EXOC6: variants seen among roughly 807,000 people sequenced by gnomAD.
The protein encoded by EXOC6 is exocyst complex component 6, also known as SEC15-like 1.
In EXOC6, 60 loss-of-function variants were observed where a neutral mutation model predicts 112.5. The ratio of observed to expected loss-of-function variants is 0.53; its 90% confidence interval spans 0.43 to 0.66. The LOEUF is 0.66. Among genes scored for constraint, EXOC6 ranks in the 30% least tolerant of loss-of-function variants. The pLI is 0.00. For synonymous variants in EXOC6, 295 were observed against 308.0 expected, an observed-to-expected ratio of 0.96 and a Z score of 0.44; for missense variants, 855 against 957.1, an observed-to-expected ratio of 0.89 and a Z score of 1.41.
intron 1 of EXOC6, among the ~76,000 whole-genome samples, chr10:92,858,597 A>G (rs959334706): frequency 6.6e-6 from 1 of 152,012 alleles, no homozygotes; most frequent in African/African-American, 2.4e-5. Context: ...TCCAATTATT[A>G]AAAAAAATAA....
intron 19 of EXOC6, among the ~76,000 whole-genome samples, chr10:93,006,995 T>C (rs1483950252): frequency 6.6e-6 from 1 of 151,018 alleles, no homozygotes; most frequent in Non-Finnish European, 1.5e-5. Flanking sequence ...TCCCCCACCC[T>C]CTTTACCCCC....
At chr10:92,873,294 G>A (rs1848535554) in intron 1 of EXOC6, among the ~76,000 whole-genome samples, 1 of 152,128 alleles carries the variant, frequency 6.6e-6, no homozygotes, top group African/African-American at 2.4e-5. Context: ...AGTGTGCTGT[G>A]CTGTTATTCA....
At chr10:92,835,733 A>G (rs190478771) in intron 1 of EXOC6, among the ~76,000 whole-genome samples, 27 of 152,346 alleles carry the variant, frequency 1.8e-4, no homozygotes, top group African/African-American at 6.0e-4. Flanking sequence ...TAGTTTGAAT[A>G]TCTTCAAAGG....
intron 20 of EXOC6, among the ~76,000 whole-genome samples, chr10:93,045,083 G>C (rs1733563983): frequency 6.6e-6 from 1 of 152,194 alleles, no homozygotes; most frequent in South Asian, 2.1e-4. Flanking sequence ...ATGTTGGCCA[G>C]GCTAATTTCA....
At position 92,896,073 on chromosome 10, in the gene EXOC6, ATATATATGTG is replaced by A. The variant is rs1487689967; in HGVS notation, c.412+1061_412+1070del. On this transcript the variant is annotated intron_variant, in intron 4 of 21. Transcript: ENST00000260762. ...TATATATATGTGTATATATATGTGT[ATATATATGTG>A]TATATATATATGTGTGTATATATAT... is the stretch of plus-strand genomic sequence containing the variant. 2.8e-4 allele frequency among the ~76,000 whole-genome samples: 21 copies of A among 75,416 alleles called. 1 individual carries two copies. Among genetic ancestry groups the A allele is most frequent in the Non-Finnish European group, 3.8e-4 (15 of 39,726 alleles). The allele number at this position is 75,416 out of a possible 152,430, so 49.5% of individuals were successfully genotyped here.
At chr10:92,865,804 A>G (rs187461993) in intron 1 of EXOC6, among the ~76,000 whole-genome samples, 6 of 152,138 alleles carry the variant, frequency 3.9e-5, no homozygotes, top group Non-Finnish European at 7.4e-5. Context: ...CTAACAATCA[A>G]AACATGTTTT....
intron 13 of EXOC6, among the ~76,000 whole-genome samples, chr10:92,944,039 A>G (rs1852827511): frequency 6.6e-6 from 1 of 152,172 alleles, no homozygotes; most frequent in Non-Finnish European, 1.5e-5. Flanking sequence ...ACTTAGCATA[A>G]TGTCCTCAAG....
chr10:92,973,909 A>C, intron 17 of EXOC6, 144 bp from the exon 18 acceptor site: 1 of 663,620 alleles, frequency 1.5e-6, no homozygotes, highest in Non-Finnish European at 2.4e-6. Flanking sequence ...ACTGCCAGAA[A>C]AAAAAAACCA....
intron 14 of EXOC6, among the ~76,000 whole-genome samples, chr10:92,951,869 TA>T (rs1340806884): frequency 6.6e-6 from 1 of 152,180 alleles, no homozygotes; most frequent in Non-Finnish European, 1.5e-5. Context: ...AAGGGAGTCT[TA>T]GAATTATTTA....
intron 13 of EXOC6, among the ~76,000 whole-genome samples, chr10:92,947,380 G>A (rs1210546723): frequency 6.6e-6 from 1 of 152,158 alleles, no homozygotes; most frequent in Non-Finnish European, 1.5e-5. Context: ...CAGCCCAATG[G>A]CCAAAACTAG....
At chr10:93,054,011 G>T (rs773873670) in intron 20 of EXOC6, among the ~76,000 whole-genome samples, 2 of 152,174 alleles carry the variant, frequency 1.3e-5, no homozygotes, top group Admixed American at 1.3e-4. Context: ...TAGACTGAGC[G>T]GAATGAGCAG....
At chr10:92,940,703 C>CTTTTTTTTTTT (rs201561143) in intron 12 of EXOC6, 24 bp from the exon 13 acceptor site, 5 of 1,230,950 alleles carry the variant, frequency 4.1e-6, no homozygotes, top group African/African-American at 1.6e-5. Context: ...TGTTTATCTG[C>CTTTTTTTTTTT]TTTTTTTTTT....
At chr10:92,944,167 A>G (rs530602822) in intron 13 of EXOC6, among the ~76,000 whole-genome samples, 1 of 152,042 alleles carries the variant, frequency 6.6e-6, no homozygotes, top group African/African-American at 2.4e-5. Flanking sequence ...TATTTTGGCT[A>G]TTGTGAATAA....
intron 1 of EXOC6, among the ~76,000 whole-genome samples, chr10:92,866,047 A>G (rs1005155528): frequency 4.6e-5 from 7 of 152,126 alleles, no homozygotes; most frequent in African/African-American, 9.7e-5. Flanking sequence ...AATTGTGTAT[A>G]TATAAGTGAA....
At chr10:93,048,263 TAA>T (rs374081551) in intron 20 of EXOC6, among the ~76,000 whole-genome samples, 1 of 142,520 alleles carries the variant, frequency 7.0e-6, no homozygotes. Context: ...TAAAGTATAA[TAA>T]AAAAAAAAAA....
At chr10:92,852,962 C>T (rs1290825078) in intron 1 of EXOC6, among the ~76,000 whole-genome samples, 4 of 151,854 alleles carry the variant, frequency 2.6e-5, no homozygotes, top group Non-Finnish European at 5.9e-5. Flanking sequence ...TTTGGAAAAC[C>T]GTCTTTATTT....
At chr10:92,932,591 T>G (rs1852106067) in intron 9 of EXOC6, among the ~76,000 whole-genome samples, 1 of 152,082 alleles carries the variant, frequency 6.6e-6, no homozygotes, top group Non-Finnish European at 1.5e-5. Flanking sequence ...GGATTCTATA[T>G]CCAGTGAAAC....
At chr10:92,879,367 G>A (rs1392110785) in intron 1 of EXOC6, among the ~76,000 whole-genome samples, 1 of 152,104 alleles carries the variant, frequency 6.6e-6, no homozygotes, top group East Asian at 1.9e-4. Flanking sequence ...TACTGGAGAG[G>A]CTGAGGTGAG....
At chr10:92,866,641 A>G (rs547172300) in intron 1 of EXOC6, among the ~76,000 whole-genome samples, 1 of 152,140 alleles carries the variant, frequency 6.6e-6, no homozygotes, top group East Asian at 1.9e-4. Context: ...CATCTTAAAT[A>G]TTATGTAGGG....
Sources: gnomAD v4.1 joint callset for allele counts (sites outside exome capture counted in the v4.1 genomes callset) on GRCh38, gnomAD v4.1.1 for gene constraint, MANE v1.5 for transcripts, NCBI Gene and HGNC (gene_info 2026-07-23, HGNC 2026-07-21) for gene names.